The following DTL variants were observed in gnomAD, a reference collection of about 807,000 sequenced individuals.
The protein encoded by DTL is denticleless protein homolog.
A neutral mutation model predicts 87.0 loss-of-function variants in DTL; 46 were observed. The observed-to-expected ratio is 0.53, with a 90% CI of 0.42 to 0.68. DTL has a LOEUF of 0.68. Among genes scored for constraint, DTL ranks in the 30% least tolerant of loss-of-function variants. The pLI, the probability that DTL is intolerant of heterozygous loss-of-function variation, is 0.00. For synonymous variants in DTL, 308 were observed against 311.2 expected (o/e 0.99, Z 0.11); for missense variants, 737 against 869.4 (o/e 0.85, Z 1.91).
At chr1:212,036,660 G>A (rs1457009136) in intron 1 of DTL, among the ~76,000 whole-genome samples, 1 of 152,166 alleles carries the variant, frequency 6.6e-6, no homozygotes, top group African/African-American at 2.4e-5. Context: ...ATGTTAATAC[G>A]TAGAAATCTA....
At chr1:212,038,357 G>A (rs1047526636) in intron 1 of DTL, among the ~76,000 whole-genome samples, 4 of 152,078 alleles carry the variant, frequency 2.6e-5, no homozygotes, top group Non-Finnish European at 5.9e-5. Flanking sequence ...GCACCTAGAC[G>A]GTCAATCCCA....
intron 11 of DTL, among the ~76,000 whole-genome samples, chr1:212,076,955 T>A (rs1654850450): frequency 6.6e-6 from 1 of 152,208 alleles, no homozygotes; most frequent in Admixed American, 6.5e-5. Context: ...CTTTTTTAAT[T>A]ATTGCATATG....
chr1:212,104,631 G>A lies in DTL; in HGVS notation c.*1691G>A, dbSNP rs1212497303. 1 of 152,080 alleles carries A rather than the reference G, an allele frequency of 6.6e-6. No individual in the cohort carries two copies. Among genetic ancestry groups the A allele is most frequent in the Admixed American group, 6.5e-5 (1 of 15,270 alleles). 9.4% of individuals were successfully genotyped at this position (152,080 alleles called of 1,614,324 possible). A position where few individuals can be genotyped will look rare whatever the true frequency, so the allele number is the denominator to read the frequency against. ...ATTGATAAAGTAGATGATTTTGTTTGTATCCCTACCCATCTCCTGGCAGCC... is the reference window on the plus strand; with the variant it reads ...ATTGATAAAGTAGATGATTTTGTTTATATCCCTACCCATCTCCTGGCAGCC... On this transcript the variant is annotated 3_prime_UTR_variant, in exon 15 of 15. Transcript: ENST00000366991.
chr1:212,055,856 G>T (rs1668157567), intron 5 of DTL, among the ~76,000 whole-genome samples: 1 of 152,158 alleles, frequency 6.6e-6, no homozygotes, highest in Admixed American at 6.5e-5. Flanking sequence ...CACACCCTCT[G>T]GGAGGCCTGA....
intron 7 of DTL, among the ~76,000 whole-genome samples, chr1:212,065,311 A>G (rs1654459209): frequency 6.6e-6 from 1 of 152,206 alleles, no homozygotes; most frequent in South Asian, 2.1e-4. Flanking sequence ...ATTGAATTAA[A>G]CATAAGATGT....
chr1:212,070,610 CA>C (rs574962254), intron 10 of DTL, among the ~76,000 whole-genome samples: 34 of 137,206 alleles, frequency 2.5e-4, no homozygotes, highest in South Asian at 2.4e-4. Context: ...GACCCTGTCT[CA>C]AAAAAAAAAA....
intron 5 of DTL, among the ~76,000 whole-genome samples, chr1:212,058,854 C>T (rs1169517861): frequency 2.6e-5 from 4 of 151,804 alleles, no homozygotes; most frequent in Non-Finnish European, 5.9e-5. Context: ...AAAAAGGAAA[C>T]ATTGCAACTG....
At chr1:212,089,696 C>T (rs1331303595) in intron 13 of DTL, among the ~76,000 whole-genome samples, 3 of 152,162 alleles carry the variant, frequency 2.0e-5, no homozygotes, top group Non-Finnish European at 4.4e-5. Flanking sequence ...ATTTCTTTGA[C>T]CCCCATGGAC....
At chr1:212,102,808 G>A in intron 14 of DTL, 34 bp from the exon 15 acceptor site, 2 of 1,472,020 alleles carry the variant, frequency 1.4e-6, no homozygotes, top group South Asian at 1.2e-5. Flanking sequence ...TGAACTTCAA[G>A]GAAATCTCTG....
At chr1:212,058,148 G>A (rs187309775) in intron 5 of DTL, among the ~76,000 whole-genome samples, 7 of 152,118 alleles carry the variant, frequency 4.6e-5, no homozygotes, top group South Asian at 2.1e-4. Context: ...CCCACTCAGC[G>A]TTAGACAGAT....
At chr1:212,072,000 C>T (rs1571963819) in intron 10 of DTL, 101 bp from the exon 11 acceptor site, 1 of 790,242 alleles carries the variant, frequency 1.3e-6, no homozygotes, top group Non-Finnish European at 2.2e-6. Context: ...CTTCAATAGG[C>T]AATACAGTGA....
chr1:212,061,968 T>C (rs1301292502), intron 5 of DTL, among the ~76,000 whole-genome samples: 1 of 152,170 alleles, frequency 6.6e-6, no homozygotes, highest in Admixed American at 6.5e-5. Flanking sequence ...TTACAAATTA[T>C]TGTATATTTC....
At position 212,047,049 on chromosome 1, in the gene DTL, A is replaced by G. The variant is rs991504606; in HGVS notation, c.278-102A>G. On this transcript the variant is annotated intron_variant, in intron 3 of 14. Coordinates refer to ENST00000366991, the MANE Select transcript of DTL (RefSeq NM_016448.4). Reference sequence around the variant, plus strand: ...GCATTTCTCTAATGATCAACTACTGATCTTTTTACTACTACAGCTTTCCAG... The same window carrying G: ...GCATTTCTCTAATGATCAACTACTGGTCTTTTTACTACTACAGCTTTCCAG... The G allele has an allele frequency of 4.0e-6, 4 of 997,628 alleles. No homozygotes were observed. In the African/African-American group the frequency reaches 6.5e-5, roughly 16 times the overall value. 61.8% of individuals were successfully genotyped at this position (997,628 alleles called of 1,614,324 possible).
intron 5 of DTL, chr1:212,051,896 A>G: frequency 1.1e-6 from 1 of 913,558 alleles, no homozygotes; most frequent in Non-Finnish European, 1.8e-6. Context: ...CTACAATATC[A>G]CCTTTCTTAT....
At chr1:212,052,832 T>C (rs373238739) in intron 5 of DTL, among the ~76,000 whole-genome samples, 2 of 150,948 alleles carry the variant, frequency 1.3e-5, no homozygotes, top group Non-Finnish European at 3.0e-5. Flanking sequence ...AAACTTAAGA[T>C]AAAATGAACA....
At chr1:212,042,034 A>C (rs1490367952) in intron 1 of DTL, among the ~76,000 whole-genome samples, 1 of 152,202 alleles carries the variant, frequency 6.6e-6, no homozygotes. Context: ...AAAAGTGAGG[A>C]TTCAGAGTAC....
At chr1:212,086,886 T>G (rs1311819202) in intron 13 of DTL, among the ~76,000 whole-genome samples, 1 of 152,252 alleles carries the variant, frequency 6.6e-6, no homozygotes, top group Non-Finnish European at 1.5e-5. Flanking sequence ...AATTCTTGTG[T>G]TAATGACTAT....
intron 7 of DTL, 83 bp from the exon 8 acceptor site, chr1:212,066,729 A>C: frequency 1.7e-6 from 2 of 1,187,342 alleles, no homozygotes. Context: ...TGGGGAGAAA[A>C]GTCGTTTTTT....
intron 7 of DTL, among the ~76,000 whole-genome samples, chr1:212,065,871 A>G (rs1189218729): frequency 2.0e-5 from 3 of 151,888 alleles, no homozygotes; most frequent in Non-Finnish European, 2.9e-5. Flanking sequence ...ACGCCCAGCT[A>G]ATTTTTTGTT....
Sources: gnomAD v4.1 joint callset for allele counts (sites outside exome capture counted in the v4.1 genomes callset) on GRCh38, gnomAD v4.1.1 for gene constraint, MANE v1.5 for transcripts, NCBI Gene and HGNC (gene_info 2026-07-23, HGNC 2026-07-21) for gene names.